The following SEC62 variants were observed in gnomAD, a reference collection of about 807,000 sequenced individuals.
SEC62 encodes the protein translocation protein SEC62.
A neutral mutation model predicts 47.5 loss-of-function variants in SEC62; 10 were observed. The ratio of observed to expected loss-of-function variants is 0.21; its 90% CI spans 0.13 to 0.36. SEC62 has a LOEUF of 0.36. Among genes scored for constraint, SEC62 ranks in the 10% least tolerant of loss-of-function variants. SEC62 has a pLI of 1.00. For missense variants in SEC62, 327 were observed against 464.1 expected (o/e 0.70, Z 2.71); for synonymous variants, 136 against 150.5 (o/e 0.90, Z 0.71).
At chr3:169,987,756 T>C (rs974565366) in intron 6 of SEC62, among the ~76,000 whole-genome samples, 2 of 152,188 alleles carry the variant, frequency 1.3e-5, no homozygotes, top group African/African-American at 4.8e-5. Flanking sequence ...AAAATACATC[T>C]GTAGCAGAAA....
rs1448040575 is a variant in SEC62, at chr3:169,996,696, T to A, written c.*3633T>A. The A allele has an allele frequency of 6.6e-6, 1 of 152,378 alleles. No individual in the cohort carries two copies. Among genetic ancestry groups the A allele is most frequent in the Non-Finnish European group, 1.5e-5 (1 of 68,238 alleles). The allele number at this position is 152,378 out of a possible 1,614,324, so 9.4% of individuals were successfully genotyped here. A position where few individuals can be genotyped will look rare whatever the true frequency, so the allele number is the denominator to read the frequency against. On this transcript the variant is annotated 3_prime_UTR_variant, in exon 8 of 8. Coordinates refer to ENST00000337002, the MANE Select transcript of SEC62 (RefSeq NM_003262.4). Reference sequence around the variant, plus strand: ...CTTCTCCTGGGGTTGGGGGGCTGCCTTAGCAGCCAAAGGTCACTTCTCCCA... The same window carrying A: ...CTTCTCCTGGGGTTGGGGGGCTGCCATAGCAGCCAAAGGTCACTTCTCCCA...
intron 1 of SEC62, among the ~76,000 whole-genome samples, chr3:169,969,912 T>G (rs1463719136): frequency 6.6e-6 from 1 of 152,218 alleles, no homozygotes; most frequent in Non-Finnish European, 1.5e-5. Context: ...CCATTAGTTA[T>G]TTTTGTTGCA....
chr3:169,971,844 G>A (rs1025417880), intron 1 of SEC62, among the ~76,000 whole-genome samples: 1 of 152,176 alleles, frequency 6.6e-6, no homozygotes. Flanking sequence ...CTGAGTGTTA[G>A]TATGAGTATA....
In SEC62 at chr3:169,988,271, C is replaced by T. The variant is rs752638611; in HGVS notation, c.642C>T (p.Pro214=). The change falls in exon 7 of 8, where the codon CCC becomes CCT. Residue 214 remains proline, a synonymous_variant. Coordinates refer to ENST00000337002, the MANE Select transcript of SEC62 (RefSeq NM_003262.4). The stretch of plus-strand genomic sequence containing the variant: ...CAGTAATAGCGGCCACCCTCTTCCC[C>T]CTTTGGCCAGCAGAAATGAGAGTAG... ...VIAVIAATLF[P]LWPAEMRVGV... is the part of the protein sequence containing the mutation. 3.0e-5 allele frequency: 49 copies of T among 1,613,768 alleles called. No homozygotes were observed. Among genetic ancestry groups the T allele is most frequent in the South Asian group, 8.8e-5 (8 of 91,072 alleles).
intron 7 of SEC62, among the ~76,000 whole-genome samples, chr3:169,990,403 T>G (rs1454888505): frequency 6.6e-6 from 1 of 152,172 alleles, no homozygotes; most frequent in African/African-American, 2.4e-5. Context: ...CTGTCGCTTT[T>G]AGCATAGGAA....
chr3:169,973,355 G>T (rs1714748383), intron 1 of SEC62, among the ~76,000 whole-genome samples: 1 of 152,074 alleles, frequency 6.6e-6, no homozygotes. Context: ...TTTTGAATTT[G>T]CCATTTTTTA....
intron 2 of SEC62, among the ~76,000 whole-genome samples, chr3:169,976,418 C>T (rs1264803308): frequency 2.0e-5 from 3 of 151,834 alleles, no homozygotes; most frequent in Admixed American, 6.6e-5. Context: ...AGTCCTTTAT[C>T]GTCTCTTTCT....
rs1022230822 is a variant in SEC62, at chr3:169,992,143, C to A, written c.731-451C>A. Among the ~76,000 whole-genome samples the A allele has an allele frequency of 7.2e-5, 11 of 151,998 alleles. No homozygotes were observed. The highest frequency in any genetic ancestry group is 3.2e-3 in the Middle Eastern group (1 of 316). ...CATGATCTTATGAATACTTAAATTC[C>A]CAACTGATTGCTATGTGTATTGAAG... is the stretch of plus-strand genomic sequence containing the variant. On this transcript the variant is annotated intron_variant, in intron 7 of 7. Transcript: ENST00000337002. The surrounding 1 kb of genome is among the most constrained non-coding windows in gnomAD (Gnocchi z 4.0).
At chr3:169,985,942 A>G in intron 6 of SEC62, 77 bp downstream of exon 6, 1 of 969,816 alleles carries the variant, frequency 1.0e-6, no homozygotes, top group Non-Finnish European at 1.6e-6. Flanking sequence ...GTAAAAGAAA[A>G]TGTTCCTAAA....
In SEC62 at chr3:169,996,299, C is replaced by G. The variant is rs1397035291; in HGVS notation, c.*3236C>G. The G allele has an allele frequency of 6.6e-6, 1 of 152,560 alleles. No individual in the cohort carries two copies. The highest frequency in any genetic ancestry group is 1.9e-4 in the East Asian group (1 of 5,196). 9.5% of individuals were successfully genotyped at this position (152,560 alleles called of 1,614,324 possible). A position where few individuals can be genotyped will look rare whatever the true frequency, so the allele number is the denominator to read the frequency against. ...GTATTTGAGTGATGTTTTAAATATC[C>G]TATGTCTGAAAATAATTCCTCCTAA... is the stretch of plus-strand genomic sequence containing the variant. On this transcript the variant is annotated 3_prime_UTR_variant, in exon 8 of 8. Transcript: ENST00000337002.
Position 169,967,493 on chromosome 3 carries a change from C to T in SEC62, c.36+635C>T, listed in dbSNP as rs112000404. On this transcript the variant is annotated intron_variant, in intron 1 of 7. Transcript: ENST00000337002. The stretch of plus-strand genomic sequence containing the variant: ...AGCTTGCCGGCTTTTTTCCGGGCGA[C>T]GTGGTGTAAACAACCACAACCTCGT... Among the ~76,000 whole-genome samples the T allele has an allele frequency of 2.3e-3, 349 of 152,252 alleles. 3 individuals are homozygous for T. Among genetic ancestry groups the T allele is most frequent in the African/African-American group, 7.7e-3 (320 of 41,540 alleles).
chr3:169,970,100 A>G (rs1405464598), intron 1 of SEC62, among the ~76,000 whole-genome samples: 1 of 152,196 alleles, frequency 6.6e-6, no homozygotes, highest in Non-Finnish European at 1.5e-5. Flanking sequence ...CTAAATCAGA[A>G]AACTACCCCT....
chr3:169,976,167 C>T (rs1007457405), intron 2 of SEC62, among the ~76,000 whole-genome samples: 3 of 152,124 alleles, frequency 2.0e-5, no homozygotes, highest in Non-Finnish European at 4.4e-5. Context: ...GAAGCCAAGG[C>T]AGGAGGGTTG....
chr3:169,968,111 A>G (rs1429598106), intron 1 of SEC62, among the ~76,000 whole-genome samples: 1 of 152,238 alleles, frequency 6.6e-6, no homozygotes, highest in Non-Finnish European at 1.5e-5. Flanking sequence ...TCTTAAGATC[A>G]GTAGAAGTTT....
chr3:169,982,946 A>G, intron 4 of SEC62, 35 bp downstream of exon 4: 2 of 1,554,438 alleles, frequency 1.3e-6, no homozygotes, highest in African/African-American at 2.8e-5. Context: ...AAATTTAAAA[A>G]TCATTATGTG....
chr3:169,982,757 A>G lies in SEC62; in HGVS notation c.302A>G (p.Lys101Arg), dbSNP rs770791327. 1 of 1,608,548 alleles carries G rather than the reference A, an allele frequency of 6.2e-7. No individual in the cohort carries two copies. The highest frequency in any genetic ancestry group is 1.7e-5 in the Admixed American group (1 of 59,726). Reference protein sequence around the residue: ...FHRALKVMKMKYDKDIKKEKD... With the variant: ...FHRALKVMKMRYDKDIKKEKD... Reference sequence around the variant, plus strand: ...CGAGCCCTAAAAGTAATGAAAATGAAATATGATAAAGACATAAAGAAAGAA... The same window carrying G: ...CGAGCCCTAAAAGTAATGAAAATGAGATATGATAAAGACATAAAGAAAGAA... The change falls in exon 4 of 8, where the codon AAA becomes AGA. Residue 101 changes from lysine (K) to arginine (R), a missense_variant. Physicochemically the swap from Lys to Arg is conservative, Grantham distance 26. Around this residue, in one of 3 missense-constraint regions of SEC62, gnomAD observed 126 missense variants for 161.2 expected, o/e 0.78. Coordinates refer to ENST00000337002, the MANE Select transcript of SEC62 (RefSeq NM_003262.4).
rs576066935 is a variant in SEC62, at chr3:169,988,150, G to A, written c.611-90G>A. On this transcript the variant is annotated intron_variant, in intron 6 of 7. Coordinates refer to ENST00000337002, the MANE Select transcript of SEC62 (RefSeq NM_003262.4). ...TATTTCACTGTGTTTATGTTTCTCA[G>A]TTTTTCCCCCAGGGATATGTTTCTG... 202 of 1,456,766 alleles carry A rather than the reference G, an allele frequency of 1.4e-4. 1 individual carries two copies. The South Asian group carries it at 2.2e-3, about 16-fold the overall frequency. The allele number at this position is 1,456,766 out of a possible 1,614,324, so 90.2% of individuals were successfully genotyped here.
chr3:169,973,427 T>G (rs576734136), intron 1 of SEC62, among the ~76,000 whole-genome samples: 3 of 152,310 alleles, frequency 2.0e-5, no homozygotes, highest in African/African-American at 7.2e-5. Context: ...TTTGGGAGAC[T>G]GAGGCATGCA....
intron 4 of SEC62, 104 bp from the exon 5 acceptor site, chr3:169,983,057 T>C: frequency 6.8e-7 from 1 of 1,462,072 alleles, no homozygotes. Context: ...TTGAGAATTT[T>C]TATTTCTGTG....
Sources: gnomAD v4.1 joint callset for allele counts (sites outside exome capture counted in the v4.1 genomes callset) on GRCh38, gnomAD v4.1.1 for gene constraint, gnomAD v4.1.1 regional missense constraint, Gnocchi (gnomAD v3.1) non-coding constraint, MANE v1.5 for transcripts, NCBI Gene and HGNC (gene_info 2026-07-23, HGNC 2026-07-21) for gene names.